The following FCF1 variants were observed in gnomAD, a reference collection of about 807,000 sequenced individuals.
The protein encoded by FCF1 is FCF1 rRNA-processing protein, also known as rRNA-processing protein FCF1 homolog.
FCF1 carries 17 observed loss-of-function variants against 32.5 expected under a neutral mutation model. The observed-to-expected ratio is 0.52, with a 90% CI of 0.36 to 0.78. FCF1 has a LOEUF of 0.78. Ranked by LOEUF, FCF1 falls within the 30% of genes least tolerant of loss-of-function variation. The pLI, the probability that FCF1 is intolerant of heterozygous loss-of-function variation, is 0.00. For synonymous variants in FCF1, 84 were observed against 78.4 expected (o/e 1.07, Z -0.38); for missense variants, 201 against 241.1 (o/e 0.83, Z 1.10).
Position 74,735,071 on chromosome 14 carries a change from A to G in FCF1, c.*141A>G, listed in dbSNP as rs1256170965. The stretch of plus-strand genomic sequence containing the variant: ...GAGATATTTATTATTTAGGTGCACC[A>G]GCCCAGTCAGATTAACATCCAAAGG... On this transcript the variant is annotated 3_prime_UTR_variant, in exon 8 of 8. Transcript: ENST00000341162. The G allele has an allele frequency of 1.6e-5, 11 of 704,930 alleles. No homozygotes were observed. The Admixed American group carries it at 2.1e-4, about 13-fold the overall frequency. The allele number at this position is 704,930 out of a possible 1,614,324, so 43.7% of individuals were successfully genotyped here.
chr14:74,719,071 A>G (rs1358321734), intron 4 of FCF1, among the ~76,000 whole-genome samples: 1 of 146,028 alleles, frequency 6.8e-6, no homozygotes, highest in South Asian at 2.2e-4. Context: ...CAGAGGCTAC[A>G]GTGAGCCGAG....
At chr14:74,734,646 T>C (rs1005314338) in intron 7 of FCF1, among the ~76,000 whole-genome samples, 10 of 152,230 alleles carry the variant, frequency 6.6e-5, no homozygotes, top group African/African-American at 2.2e-4. Context: ...TTGGACTTAC[T>C]GATCTCAGCT....
At chr14:74,729,710 G>A (rs1006730924) in intron 5 of FCF1, among the ~76,000 whole-genome samples, 2 of 151,900 alleles carry the variant, frequency 1.3e-5, no homozygotes, top group Non-Finnish European at 2.9e-5. Context: ...GTCAATTTTC[G>A]ATCTTTCCTG....
At chr14:74,715,090 T>C (rs2140017655) in intron 3 of FCF1, 147 bp downstream of exon 3, 1 of 771,724 alleles carries the variant, frequency 1.3e-6, no homozygotes, top group Non-Finnish European at 1.9e-6. Context: ...CATATATCAA[T>C]TCTAGTGGTT....
chr14:74,714,164 T>C (rs1357009777), intron 2 of FCF1, among the ~76,000 whole-genome samples: 1 of 151,928 alleles, frequency 6.6e-6, no homozygotes, highest in East Asian at 1.9e-4. Flanking sequence ...AGTTTAAGAG[T>C]CTCAGAAAGC....
chr14:74,733,791 T>G (rs547770571), intron 6 of FCF1, among the ~76,000 whole-genome samples: 1 of 152,178 alleles, frequency 6.6e-6, no homozygotes, highest in Non-Finnish European at 1.5e-5. Flanking sequence ...AAAGTCCCTT[T>G]CATTTATGAG....
chr14:74,726,027 C>T (rs1438160911), intron 5 of FCF1, among the ~76,000 whole-genome samples: 1 of 151,342 alleles, frequency 6.6e-6, no homozygotes. Context: ...CCACTCCACT[C>T]CAGCCCCAAA....
rs539592617 is a variant in FCF1 at position 74,733,899 on chromosome 14, A to G, written c.454-177A>G. On this transcript the variant is annotated intron_variant, in intron 6 of 7. Transcript: ENST00000341162. ...CCAGGCAACTTGTTTATTTTATATA[A>G]CAAGATTAGGAGCTCCTAGATCATA... Among the ~76,000 whole-genome samples the G allele has an allele frequency of 3.3e-5, 5 of 152,272 alleles. No individual in the cohort carries two copies. The East Asian group carries it at 7.7e-4, about 23-fold the overall frequency.
At chr14:74,720,136 A>G (rs953419967) in intron 4 of FCF1, among the ~76,000 whole-genome samples, 4 of 152,228 alleles carry the variant, frequency 2.6e-5, no homozygotes, top group Non-Finnish European at 4.4e-5. Context: ...AAAAAAATAA[A>G]AAAAGAAAAT....
chr14:74,732,919 A>G, intron 6 of FCF1, 101 bp downstream of exon 6: 2 of 680,990 alleles, frequency 2.9e-6, no homozygotes, highest in Admixed American at 3.0e-5. Flanking sequence ...AGGAATATAC[A>G]TTATGGTTAA....
chr14:74,718,873 CA>C (rs2090458004), intron 4 of FCF1, among the ~76,000 whole-genome samples: 1 of 151,810 alleles, frequency 6.6e-6, no homozygotes, highest in Admixed American at 6.6e-5. Context: ...AAAAATTAGC[CA>C]GGGGGCCAGG....
intron 5 of FCF1, among the ~76,000 whole-genome samples, chr14:74,727,863 G>C (rs2090593882): frequency 6.6e-6 from 1 of 152,082 alleles, no homozygotes; most frequent in African/African-American, 2.4e-5. Context: ...ATTAAATAGG[G>C]AATCCTTTCC....
chr14:74,733,196 C>G (rs111779972), intron 6 of FCF1, among the ~76,000 whole-genome samples: 74 of 152,222 alleles, frequency 4.9e-4, no homozygotes, highest in African/African-American at 1.7e-3. Context: ...AATTTTGTTC[C>G]TCTTCACGAT....
intron 4 of FCF1, among the ~76,000 whole-genome samples, chr14:74,721,822 A>C: frequency 6.6e-6 from 1 of 152,252 alleles, no homozygotes; most frequent in Non-Finnish European, 1.5e-5. Context: ...TATTTTGGTT[A>C]TTTCCAGGTT....
chr14:74,721,828 A>G (rs554430372), intron 4 of FCF1, among the ~76,000 whole-genome samples: 3 of 152,318 alleles, frequency 2.0e-5, no homozygotes, highest in Non-Finnish European at 4.4e-5. Flanking sequence ...GGTTATTTCC[A>G]GGTTCTACCC....
rs2140017205 is a variant in FCF1 at position 74,714,896 on chromosome 14, T to C, written c.96T>C (p.Pro32=). ...GTAAAGAAAAGGATAGATTAAAACC[T>C]AAAAAGAAAGAAAAGAAGGATCCCA... is the stretch of plus-strand genomic sequence containing the variant. ...QRLKEKDRLK[P]KKKEKKDPSA... is the part of the protein sequence containing the mutation. The change falls in exon 3 of 8, where the codon CCT becomes CCC. Residue 32 remains proline (P), a synonymous_variant. Transcript: ENST00000341162. The C allele has an allele frequency of 6.3e-7, 1 of 1,592,206 alleles. No homozygotes were observed. Among genetic ancestry groups the C allele is most frequent in the East Asian group, 2.3e-5 (1 of 44,272 alleles).
At position 74,714,895 on chromosome 14, in the gene FCF1, C is replaced by T; in HGVS notation, c.95C>T (p.Pro32Leu). The change falls in exon 3 of 8, where the codon CCT (proline) becomes CTT (leucine). Residue 32 changes from proline (P) to leucine (L), a missense_variant. Physicochemically the swap from Pro to Leu is moderately conservative, Grantham distance 98 (BLOSUM62 -3). This residue lies in a region of FCF1 where 76 missense variants were observed against 75.0 expected (regional missense o/e 1.01). Transcript: ENST00000341162. ...QRLKEKDRLK[P>L]KKKEKKDPSA... is the part of the protein sequence containing the mutation. Reference sequence around the variant, plus strand: ...AGTAAAGAAAAGGATAGATTAAAACCTAAAAAGAAAGAAAAGAAGGATCCC... The same window carrying T: ...AGTAAAGAAAAGGATAGATTAAAACTTAAAAAGAAAGAAAAGAAGGATCCC... 1 of 1,588,904 alleles carries T rather than the reference C, an allele frequency of 6.3e-7. No homozygotes were observed. The highest frequency in any genetic ancestry group is 1.8e-5 in the Admixed American group (1 of 54,690).
chr14:74,717,728 T>G lies in FCF1; in HGVS notation c.292+1629T>G, dbSNP rs547077537. Among the ~76,000 whole-genome samples the G allele has an allele frequency of 9.8e-5, 15 of 152,342 alleles. No homozygotes were observed. In the South Asian group the frequency reaches 2.5e-3, roughly 25 times the overall value. On this transcript the variant is annotated intron_variant, in intron 4 of 7. Coordinates refer to ENST00000341162, the MANE Select transcript of FCF1 (RefSeq NM_015962.5). ...CTCCAGGAATGCTGTGACCTACTTA[T>G]CAATGAAACGGATAGAGGGTCAAAG...
intron 3 of FCF1, 77 bp from the exon 4 acceptor site, chr14:74,715,874 A>T (rs1208917376): frequency 2.5e-6 from 4 of 1,607,416 alleles, no homozygotes; most frequent in South Asian, 1.1e-5. Context: ...AGTCCCAAGC[A>T]GACTTCTTTT....
Sources: gnomAD v4.1 joint callset for allele counts (sites outside exome capture counted in the v4.1 genomes callset) on GRCh38, gnomAD v4.1.1 for gene constraint, gnomAD v4.1.1 regional missense constraint, MANE v1.5 for transcripts, NCBI Gene and HGNC (gene_info 2026-07-23, HGNC 2026-07-21) for gene names.